The following CDC7 variants were observed in gnomAD, a reference collection of about 807,000 sequenced individuals.
CDC7 encodes cell division cycle 7.
CDC7 carries 34 observed loss-of-function variants against 53.5 expected under a neutral mutation model. The ratio of observed to expected loss-of-function variants is 0.64; its 90% CI spans 0.48 to 0.85. CDC7 has a LOEUF of 0.85. Among genes scored for constraint, CDC7 ranks in the 40% least tolerant of loss-of-function variants. The pLI is 0.00. For missense variants in CDC7, 594 were observed against 679.7 expected (o/e 0.87, Z 1.40); for synonymous variants, 211 against 222.8 (o/e 0.95, Z 0.47).
Position 91,524,153 on chromosome 1 carries a change from G to T in CDC7, c.1443G>T (p.Gly481=), listed in dbSNP as rs1256464071. The T allele has an allele frequency of 6.2e-7, 1 of 1,613,882 alleles. No homozygotes were observed. Residue 481 remains glycine, a synonymous_variant, in exon 12 of 12, where the codon GGG becomes GGT. Transcript: ENST00000234626. ...CCAAGTTAACAAGTGATATACAAGG[G>T]CATGCTTCTCATCAACCAGCTATTT... ...STPKLTSDIQ[G]HASHQPAISE...
intron 11 of CDC7, among the ~76,000 whole-genome samples, chr1:91,522,616 A>C (rs781728202): frequency 2.0e-5 from 3 of 152,214 alleles, no homozygotes; most frequent in Non-Finnish European, 2.9e-5. Flanking sequence ...GCTATAACAT[A>C]TACTATTAGT....
In CDC7 at chr1:91,511,700, A is replaced by C; in HGVS notation, c.429+10A>C. ...GCATGAGTCGTTTTTGGTAGGTTTT[A>C]ATATTTCTTGAATTTTTATTAGCTA... On this transcript the variant is annotated intron_variant, in intron 5 of 11. Transcript: ENST00000234626. 1 of 1,505,354 alleles carries C rather than the reference A, an allele frequency of 6.6e-7. No homozygotes were observed. Among genetic ancestry groups the C allele is most frequent in the Non-Finnish European group, 9.1e-7 (1 of 1,104,930 alleles). The allele number at this position is 1,505,354 out of a possible 1,614,324, so 93.2% of individuals were successfully genotyped here.
intron 4 of CDC7, among the ~76,000 whole-genome samples, chr1:91,511,378 AATT>A (rs778985058): frequency 2.6e-5 from 4 of 151,982 alleles, no homozygotes; most frequent in South Asian, 2.1e-4. Context: ...ACCTCGTTTG[AATT>A]ATTATAGTAA....
Position 91,501,768 on chromosome 1 carries a change from C to CAGCGTGACCG in CDC7, c.53_62dup (p.Phe22AlafsTer2). On this transcript the variant is annotated frameshift_variant, in exon 2 of 12. Transcript: ENST00000234626. LOFTEE classifies it high-confidence loss of function. ...GGATGAGCCAATGGCTTTTTCTCCCCAGCGTGACCGGTTTCAGGCTGAAGG... is the reference window on the plus strand; with the variant it reads ...GGATGAGCCAATGGCTTTTTCTCCCCAGCGTGACCGAGCGTGACCGGTTTCAGGCTGAAGG... 1 of 1,614,006 alleles carries CAGCGTGACCG rather than the reference C, an allele frequency of 6.2e-7. No individual in the cohort carries two copies. The highest frequency in any genetic ancestry group is 8.5e-7 in the Non-Finnish European group (1 of 1,179,988).
At position 91,514,020 on chromosome 1, in the gene CDC7, T is replaced by A. The variant is rs773171042; in HGVS notation, c.895T>A (p.Ser299Thr). The part of the protein sequence containing the change: ...ERNFNIHSSI[S>T]HESPAVKLMK... The stretch of plus-strand genomic sequence containing the variant: ...AAATTTCAATATACACAGCTCCATT[T>A]CACATGAGAGCCCTGCAGTGAAAGT... Residue 299 changes from serine (S) to threonine (T), a missense_variant, in exon 8 of 12, where the codon TCA becomes ACA. Coordinates refer to ENST00000234626, the MANE Select transcript of CDC7 (RefSeq NM_003503.4). 61 of 1,611,170 alleles carry A rather than the reference T, an allele frequency of 3.8e-5. No individual in the cohort carries two copies. Among genetic ancestry groups the A allele is most frequent in the Non-Finnish European group, 5.0e-5 (59 of 1,177,804 alleles).
At chr1:91,514,382 A>C (rs1301910408) in intron 8 of CDC7, among the ~76,000 whole-genome samples, 1 of 152,192 alleles carries the variant, frequency 6.6e-6, no homozygotes, top group Non-Finnish European at 1.5e-5. Flanking sequence ...AGATGTTTGT[A>C]AAGTTAACAA....
chr1:91,515,853 C>A lies in CDC7; in HGVS notation c.1157C>A (p.Thr386Lys). 1.2e-6 allele frequency: 2 copies of A among 1,613,642 alleles called. No homozygotes were observed. Among genetic ancestry groups the A allele is most frequent in the Non-Finnish European group, 1.7e-6 (2 of 1,179,710 alleles). Reference sequence around the variant, plus strand: ...GGATTCAGAGCACCAGAGGTCTTGACAAAGTGCCCCAATCAAACTACAGGT... The same window carrying A: ...GGATTCAGAGCACCAGAGGTCTTGAAAAAGTGCCCCAATCAAACTACAGGT... Reference protein sequence around the residue: ...TPGFRAPEVLTKCPNQTTAID... With the variant: ...TPGFRAPEVLKKCPNQTTAID... The change falls in exon 10 of 12, where the codon ACA (threonine) becomes AAA (lysine). Residue 386 changes from threonine to lysine, a missense_variant. Thr to Lys is a moderately conservative substitution (Grantham distance 78, BLOSUM62 -1). Transcript: ENST00000234626.
At chr1:91,510,811 T>G (rs1283060891) in intron 4 of CDC7, among the ~76,000 whole-genome samples, 1 of 152,202 alleles carries the variant, frequency 6.6e-6, no homozygotes, top group Non-Finnish European at 1.5e-5. Flanking sequence ...ACCAGTTAAT[T>G]ATTCTTTGCC....
intron 9 of CDC7, among the ~76,000 whole-genome samples, chr1:91,515,583 G>C (rs1667515460): frequency 6.6e-6 from 1 of 151,918 alleles, no homozygotes; most frequent in South Asian, 2.1e-4. Context: ...AACCTTTCTG[G>C]AGTAAGTCCG....
At chr1:91,504,307 A>AT (rs1433502872) in intron 2 of CDC7, among the ~76,000 whole-genome samples, 2 of 152,032 alleles carry the variant, frequency 1.3e-5, no homozygotes, top group African/African-American at 2.4e-5. Flanking sequence ...GGATCTTGCT[A>AT]TGTTGCCCAG....
At position 91,508,364 on chromosome 1, in the gene CDC7, T is replaced by G. The variant is rs1439660951; in HGVS notation, c.302T>G (p.Ile101Ser). The G allele has an allele frequency of 3.1e-6, 5 of 1,612,508 alleles. No homozygotes were observed. The highest frequency in any genetic ancestry group is 4.2e-6 in the Non-Finnish European group (5 of 1,179,106). ...HLIPTSHPIRIAAELQCLTVA... is the reference protein window; with the variant it reads ...HLIPTSHPIRSAAELQCLTVA... ...ATTCCAACAAGTCATCCTATAAGAA[T>G]TGCAGCTGAACTTCAGTGCCTAACA... The change falls in exon 4 of 12, where the codon ATT (isoleucine) becomes AGT (serine). Residue 101 changes from isoleucine (I) to serine (S), a missense_variant. Coordinates refer to ENST00000234626, the MANE Select transcript of CDC7 (RefSeq NM_003503.4).
chr1:91,508,859 A>ACCTGCTCCATCATTTCTTTGTTCCC (rs1667121210), intron 4 of CDC7, among the ~76,000 whole-genome samples: 1 of 152,122 alleles, frequency 6.6e-6, no homozygotes, highest in African/African-American at 2.4e-5. Flanking sequence ...TCCTTCTTCC[A>ACCTGCTCCATCATTTCTTTGTTCCC]CCTGCTCCAT....
Position 91,524,411 on chromosome 1 carries a change from A to G in CDC7, c.1701A>G (p.Pro567=), listed in dbSNP as rs756551374. Reference sequence around the variant, plus strand: ...CAGCAGAAGAAGCTTTGTTGCATCCATTTTTTAAAGATATGAGCTTGTGAT... The same window carrying G: ...CAGCAGAAGAAGCTTTGTTGCATCCGTTTTTTAAAGATATGAGCTTGTGAT... The part of the protein sequence containing the change: ...RITAEEALLH[P]FFKDMSL Residue 567 remains proline (P), a synonymous_variant, in exon 12 of 12, where the codon CCA becomes CCG. Coordinates refer to ENST00000234626, the MANE Select transcript of CDC7 (RefSeq NM_003503.4). The G allele has an allele frequency of 3.1e-6, 5 of 1,608,766 alleles. No individual in the cohort carries two copies. The highest frequency in any genetic ancestry group is 4.2e-6 in the Non-Finnish European group (5 of 1,179,264).
chr1:91,513,023 A>C, intron 6 of CDC7, 35 bp from the exon 7 acceptor site: 1 of 1,596,144 alleles, frequency 6.3e-7, no homozygotes, highest in Non-Finnish European at 8.6e-7. Context: ...TTTAATTGCT[A>C]CAGATAAGTA....
At chr1:91,516,109 A>G (rs1204260817) in intron 10 of CDC7, among the ~76,000 whole-genome samples, 1 of 151,746 alleles carries the variant, frequency 6.6e-6, no homozygotes, top group Non-Finnish European at 1.5e-5. Flanking sequence ...CATAGATTAC[A>G]TTTTGCGTAT....
At chr1:91,512,981 G>T (rs1667358814) in intron 6 of CDC7, 77 bp from the exon 7 acceptor site, 4 of 1,156,098 alleles carry the variant, frequency 3.5e-6, no homozygotes, top group Non-Finnish European at 4.9e-6. Flanking sequence ...TTTTTATGAG[G>T]ATGGTTTGAG....
chr1:91,513,920 A>G (rs758930308), intron 7 of CDC7, 28 bp from the exon 8 acceptor site: 2 of 1,496,846 alleles, frequency 1.3e-6, no homozygotes, highest in East Asian at 4.5e-5. Context: ...TATAATCCTT[A>G]TTTTCCTTGT....
intron 4 of CDC7, 132 bp downstream of exon 4, chr1:91,508,529 G>T: frequency 1.5e-6 from 1 of 656,196 alleles, no homozygotes; most frequent in Non-Finnish European, 2.5e-6. Context: ...CAATTTGCTA[G>T]CACTTTCCTT....
intron 10 of CDC7, among the ~76,000 whole-genome samples, chr1:91,519,256 CAAAAAAAAA>C (rs71087957): frequency 2.2e-4 from 13 of 60,196 alleles, no homozygotes; most frequent in East Asian, 5.5e-4. Context: ...ACTAAAAATA[CAAAAAAAAA>C]AAAAAAAAAA....
Sources: allele counts gnomAD v4.1 joint callset (sites outside exome capture counted in the v4.1 genomes callset), GRCh38; gene constraint gnomAD v4.1.1; transcripts MANE v1.5; gene names NCBI Gene and HGNC (gene_info 2026-07-23, HGNC 2026-07-21).